The following TBC1D32 variants were observed in gnomAD, a reference collection of about 807,000 sequenced individuals.
TBC1D32 encodes the protein protein broad-minded.
In TBC1D32, 151 loss-of-function variants were observed where a neutral mutation model predicts 170.3. That is an observed-to-expected ratio of 0.89 (90% CI 0.78 to 1.01). The LOEUF is 1.01. Among genes scored for constraint, TBC1D32 ranks in the 50% least tolerant of loss-of-function variants. TBC1D32 has a pLI of 0.00. For missense variants in TBC1D32, 1,464 were observed against 1,457.1 expected (o/e 1.00, Z -0.08); for synonymous variants, 498 against 488.0 (o/e 1.02, Z -0.27).
chr6:121,155,250 T>G (rs1473563907), intron 24 of TBC1D32, among the ~76,000 whole-genome samples: 1 of 152,124 alleles, frequency 6.6e-6, no homozygotes, highest in Non-Finnish European at 1.5e-5. Context: ...CTTTACTGTG[T>G]GTGGGTGTGT....
intron 15 of TBC1D32, among the ~76,000 whole-genome samples, chr6:121,261,534 G>A (rs1563126994): frequency 2.0e-5 from 3 of 152,156 alleles, no homozygotes; most frequent in African/African-American, 7.2e-5. Flanking sequence ...CAGCCCTACA[G>A]AAGAGGGACC....
At chr6:121,285,950 A>C (rs1433050494) in intron 12 of TBC1D32, among the ~76,000 whole-genome samples, 2 of 152,188 alleles carry the variant, frequency 1.3e-5, no homozygotes, top group Non-Finnish European at 1.5e-5. Flanking sequence ...AGGAAAACTA[A>C]CAAACAGAAA....
chr6:121,201,444 G>A lies in TBC1D32; in HGVS notation c.2570+3631C>T, dbSNP rs1791549216. ...GACAGGGGAAGTGGGCAGCTGACAAGAGCATGAATGTCTTCATCTATCATA... is the reference window on the plus strand; with the variant it reads ...GACAGGGGAAGTGGGCAGCTGACAAAAGCATGAATGTCTTCATCTATCATA... On this transcript the variant is annotated intron_variant, in intron 22 of 31. Coordinates refer to ENST00000398212, the MANE Select transcript of TBC1D32 (RefSeq NM_152730.6). 1.3e-5 allele frequency among the ~76,000 whole-genome samples: 2 copies of A among 151,374 alleles called. 1 individual carries two copies. Among genetic ancestry groups the A allele is most frequent in the African/African-American group, 4.9e-5 (2 of 40,688 alleles).
At chr6:121,201,665 A>G (rs1276245762) in intron 22 of TBC1D32, among the ~76,000 whole-genome samples, 1 of 151,312 alleles carries the variant, frequency 6.6e-6, no homozygotes, top group Non-Finnish European at 1.5e-5. Flanking sequence ...TTCCTATAAA[A>G]TTCAGTTCAA....
chr6:121,185,049 GT>G (rs36002031), intron 22 of TBC1D32, among the ~76,000 whole-genome samples: 75 of 146,750 alleles, frequency 5.1e-4, no homozygotes, highest in East Asian at 8.0e-4. Context: ...TATTCTGTAA[GT>G]TTTTTTTTTT....
intron 14 of TBC1D32, 61 bp downstream of exon 14, chr6:121,281,483 A>G: frequency 7.5e-7 from 1 of 1,340,780 alleles, no homozygotes; most frequent in East Asian, 2.5e-5. Context: ...ATAAAGTCCC[A>G]CTGAGTATCC....
intron 21 of TBC1D32, among the ~76,000 whole-genome samples, chr6:121,219,146 A>G (rs1583269225): frequency 6.6e-6 from 1 of 152,220 alleles, no homozygotes; most frequent in East Asian, 1.9e-4. Context: ...CATGGTTGAC[A>G]GAAGAGAAAG....
intron 22 of TBC1D32, among the ~76,000 whole-genome samples, chr6:121,183,141 C>T (rs1475790236): frequency 6.6e-6 from 1 of 151,972 alleles, no homozygotes; most frequent in Non-Finnish European, 1.5e-5. Flanking sequence ...GTCTATCCCA[C>T]ACAAAAACAG....
chr6:121,287,364 T>C (rs1178653838), intron 12 of TBC1D32, among the ~76,000 whole-genome samples: 5 of 151,994 alleles, frequency 3.3e-5, no homozygotes, highest in Non-Finnish European at 7.4e-5. Flanking sequence ...TAGTCTCTAA[T>C]AAAACAGACT....
intron 23 of TBC1D32, among the ~76,000 whole-genome samples, chr6:121,160,451 G>C (rs1461144947): frequency 1.4e-5 from 2 of 147,606 alleles, no homozygotes; most frequent in African/African-American, 4.9e-5. Context: ...TTTTTCTCGT[G>C]CTGTCAGTCA....
chr6:121,233,774 T>C (rs1427315324), intron 20 of TBC1D32, among the ~76,000 whole-genome samples: 2 of 152,106 alleles, frequency 1.3e-5, no homozygotes, highest in Non-Finnish European at 1.5e-5. Context: ...AATACCTTGG[T>C]TTTTTTGTCA....
At position 121,190,030 on chromosome 6, in the gene TBC1D32, A is replaced by T. The variant is rs571092926; in HGVS notation, c.2570+15045T>A. On this transcript the variant is annotated intron_variant, in intron 22 of 31. Transcript: ENST00000398212. The stretch of plus-strand genomic sequence containing the variant: ...ACTGCAAAGAGGTAGATTTTAAAAC[A>T]CCACACACTATATAATTTCTTTCTT... Among the ~76,000 whole-genome samples the T allele has an allele frequency of 1.7e-4, 26 of 150,956 alleles. No homozygotes were observed. The South Asian group carries it at 5.5e-3, about 32-fold the overall frequency.
chr6:121,272,129 T>C (rs1439255204), intron 15 of TBC1D32, among the ~76,000 whole-genome samples: 3 of 152,132 alleles, frequency 2.0e-5, no homozygotes, highest in Non-Finnish European at 4.4e-5. Context: ...AAGACTTAAA[T>C]GTTAGACCTA....
chr6:121,106,260 G>A, intron 29 of TBC1D32, 97 bp from the exon 30 acceptor site: 1 of 705,686 alleles, frequency 1.4e-6, no homozygotes, highest in Non-Finnish European at 1.9e-6. Flanking sequence ...TCCTTTTGCT[G>A]TAAATTGCTG....
intron 26 of TBC1D32, among the ~76,000 whole-genome samples, chr6:121,121,366 T>C (rs1411427274): frequency 6.6e-6 from 1 of 152,000 alleles, no homozygotes; most frequent in Non-Finnish European, 1.5e-5. Flanking sequence ...GCTAGAAAGA[T>C]ATGTCTAACT....
At chr6:121,213,741 G>A (rs1026297026) in intron 21 of TBC1D32, among the ~76,000 whole-genome samples, 2 of 151,882 alleles carry the variant, frequency 1.3e-5, no homozygotes, top group Admixed American at 6.6e-5. Context: ...TAGATTCAAC[G>A]ATATTCCTAT....
At chr6:121,270,537 T>C (rs1001814528) in intron 15 of TBC1D32, among the ~76,000 whole-genome samples, 1 of 152,038 alleles carries the variant, frequency 6.6e-6, no homozygotes, top group Non-Finnish European at 1.5e-5. Context: ...CATGGACACA[T>C]ACACCCTCCC....
chr6:121,268,932 G>T (rs1285909525), intron 15 of TBC1D32, among the ~76,000 whole-genome samples: 15 of 152,194 alleles, frequency 9.9e-5, no homozygotes, highest in Admixed American at 2.0e-4. Flanking sequence ...CACTCTGCAA[G>T]CCAGAAGAGA....
intron 24 of TBC1D32, among the ~76,000 whole-genome samples, chr6:121,147,915 TG>T (rs1467369680): frequency 1.1e-5 from 1 of 89,348 alleles, no homozygotes; most frequent in Non-Finnish European, 3.0e-5. Context: ...GTAACTTGTA[TG>T]TCTTTTTTTT....
Sources: gnomAD v4.1 joint callset for allele counts (sites outside exome capture counted in the v4.1 genomes callset) on GRCh38, gnomAD v4.1.1 for gene constraint, MANE v1.5 for transcripts, NCBI Gene and HGNC (gene_info 2026-07-23, HGNC 2026-07-21) for gene names.